SEPTIN9: variants seen among roughly 807,000 people sequenced by gnomAD.
SEPTIN9 encodes the protein septin 9, also known as septin-9.
In SEPTIN9, 13 loss-of-function variants were observed where a neutral mutation model predicts 56.6. The ratio of observed to expected loss-of-function variants is 0.23; its 90% CI spans 0.15 to 0.37. The LOEUF (loss-of-function observed/expected upper bound fraction) is 0.37. Among genes scored for constraint, SEPTIN9 ranks in the 10% least tolerant of loss-of-function variants. The pLI, the probability that SEPTIN9 is intolerant of heterozygous loss-of-function variation, is 1.00. For synonymous variants in SEPTIN9, 332 were observed against 334.1 expected, an observed-to-expected ratio of 0.99 and a Z score of 0.07; for missense variants, 650 against 823.1, an observed-to-expected ratio of 0.79 and a Z score of 2.57.
chr17:77,496,735 C>T (rs2040278273), intron 10 of SEPTIN9, among the ~76,000 whole-genome samples: 1 of 152,214 alleles, frequency 6.6e-6, no homozygotes, highest in African/African-American at 2.4e-5. Context: ...ATTGCTGATT[C>T]TTGAGCTTGT....
chr17:77,306,275 G>C (rs1444603821), intron 1 of SEPTIN9, among the ~76,000 whole-genome samples: 1 of 152,178 alleles, frequency 6.6e-6, no homozygotes, highest in Non-Finnish European at 1.5e-5. Context: ...TGGTGGGACT[G>C]GGCTGGTTAT....
At chr17:77,482,123 C>T (rs1382958922) in intron 3 of SEPTIN9, 21 bp from the exon 4 acceptor site, 3 of 1,547,466 alleles carry the variant, frequency 1.9e-6, no homozygotes, top group South Asian at 1.2e-5. Flanking sequence ...CGCTCTAACT[C>T]CTCTGCTGTT....
intron 2 of SEPTIN9, among the ~76,000 whole-genome samples, chr17:77,366,867 G>C (rs1487365686): frequency 6.6e-6 from 1 of 152,232 alleles, no homozygotes; most frequent in African/African-American, 2.4e-5. Flanking sequence ...CTGTGCTGAA[G>C]GCCAGGAGCC....
intron 3 of SEPTIN9, among the ~76,000 whole-genome samples, chr17:77,473,368 AAGTT>A (rs2039080337): frequency 6.6e-6 from 1 of 151,964 alleles, no homozygotes. Flanking sequence ...TCATCACACC[AAGTT>A]TGTTTGTTTT....
chr17:77,301,095 A>G (rs2032033078), intron 1 of SEPTIN9, among the ~76,000 whole-genome samples: 1 of 149,536 alleles, frequency 6.7e-6, no homozygotes, highest in Non-Finnish European at 1.5e-5. Flanking sequence ...CTAGGCTCAA[A>G]CCGCCCCCAC....
rs1044078441 is a variant in SEPTIN9 at position 77,371,192 on chromosome 17, A to G, written c.77-30867A>G. Among the ~76,000 whole-genome samples, 1 of 152,132 alleles carries G rather than the reference A, an allele frequency of 6.6e-6. No individual in the cohort carries two copies. The highest frequency in any genetic ancestry group is 2.4e-5 in the African/African-American group (1 of 41,426). On this transcript the variant is annotated intron_variant, in intron 2 of 11. Coordinates refer to ENST00000427177, the MANE Select transcript of SEPTIN9 (RefSeq NM_001113491.2). This position sits in a 1 kb window ranked among gnomAD's most constrained non-coding sequence, Gnocchi z 4.1. ...TGGTCATGTGGCTCTGAGTGATTAC[A>G]TTGAAGGGGCAGTGGCTGGGGCTGG...
intron 1 of SEPTIN9, among the ~76,000 whole-genome samples, chr17:77,288,994 C>T (rs1031551282): frequency 9.2e-5 from 14 of 152,190 alleles, no homozygotes; most frequent in Middle Eastern, 3.2e-3. Flanking sequence ...TTGGCTGGGG[C>T]GATGAGTCAT....
At chr17:77,324,530 C>T (rs1316483880) in intron 2 of SEPTIN9, among the ~76,000 whole-genome samples, 7 of 152,220 alleles carry the variant, frequency 4.6e-5, no homozygotes. Flanking sequence ...GTCTTCCTAC[C>T]TGCCCAGAGC....
At chr17:77,401,970 C>T in intron 2 of SEPTIN9, 89 bp from the exon 3 acceptor site, 3 of 1,407,138 alleles carry the variant, frequency 2.1e-6, no homozygotes, top group African/African-American at 1.4e-5. Context: ...GCATCGCCTG[C>T]CTTCCTCTGC....
At chr17:77,459,492 T>C (rs1281406233) in intron 3 of SEPTIN9, among the ~76,000 whole-genome samples, 1 of 152,182 alleles carries the variant, frequency 6.6e-6, no homozygotes, top group Non-Finnish European at 1.5e-5. Context: ...AGGCACACTG[T>C]GGGGTCCAGA....
chr17:77,336,374 G>A (rs2411109), intron 2 of SEPTIN9, among the ~76,000 whole-genome samples: 57,598 of 151,834 alleles, frequency 0.38, 12,204 homozygotes, highest in East Asian at 0.49. Flanking sequence ...GTATATCTCC[G>A]TTTTAAAGGT....
At chr17:77,339,845 A>G (rs562250531) in intron 2 of SEPTIN9, among the ~76,000 whole-genome samples, 1 of 149,580 alleles carries the variant, frequency 6.7e-6, no homozygotes, top group African/African-American at 2.5e-5. Context: ...TTTTTAATTG[A>G]GACAGAGTCT....
chr17:77,330,452 A>G lies in SEPTIN9; in HGVS notation c.76+23255A>G, dbSNP rs1396614691. Among the ~76,000 whole-genome samples the G allele has an allele frequency of 6.6e-6, 1 of 152,000 alleles. No homozygotes were observed. Among genetic ancestry groups the G allele is most frequent in the Non-Finnish European group, 1.5e-5 (1 of 67,992 alleles). On this transcript the variant is annotated intron_variant, in intron 2 of 11. Transcript: ENST00000427177. This position sits in a 1 kb window ranked among gnomAD's most constrained non-coding sequence, Gnocchi z 4.4. ...TGAGCCATAATCTCACCAGCTCCTG[A>G]GTTTTGGCGCTGCTCTTGGCGATGG...
intron 3 of SEPTIN9, among the ~76,000 whole-genome samples, chr17:77,474,487 G>A (rs758930661): frequency 6.6e-6 from 1 of 152,206 alleles, no homozygotes; most frequent in African/African-American, 2.4e-5. Context: ...CTGGCTGGCG[G>A]GTAGAATCTT....
chr17:77,306,671 G>A (rs1476959398), intron 1 of SEPTIN9, among the ~76,000 whole-genome samples: 2 of 152,256 alleles, frequency 1.3e-5, no homozygotes, highest in African/African-American at 2.4e-5. Flanking sequence ...AGGACTGCCC[G>A]TGAGTTGTAG....
Position 77,499,500 on chromosome 17 carries a change from A to C in SEPTIN9, c.*842A>C, listed in dbSNP as rs1293302194. ...CCCCCAGTTTTGAAAAGGTCTAAGC[A>C]AGTGAGTCTGGTGGAGGAGCTGAGG... is the stretch of plus-strand genomic sequence containing the variant. On this transcript the variant is annotated 3_prime_UTR_variant, in exon 12 of 12. Coordinates refer to ENST00000427177, the MANE Select transcript of SEPTIN9 (RefSeq NM_001113491.2). 2.1e-6 allele frequency: 1 copy of C among 483,764 alleles called. No homozygotes were observed. Among genetic ancestry groups the C allele is most frequent in the Admixed American group, 2.6e-5 (1 of 38,616 alleles). 30.0% of individuals were successfully genotyped at this position (483,764 alleles called of 1,614,324 possible).
chr17:77,405,204 C>G lies in SEPTIN9; in HGVS notation c.721+2501C>G. 1.4e-6 allele frequency: 2 copies of G among 1,404,878 alleles called. No individual in the cohort carries two copies. The highest frequency in any genetic ancestry group is 1.9e-6 in the Non-Finnish European group (2 of 1,032,964). The allele number at this position is 1,404,878 out of a possible 1,614,324, so 87.0% of individuals were successfully genotyped here. ...CTCCAGGGGCAGACACAGTTTAGCC[C>G]CTAAATTGTGCCAGAGACTGTGCCG... On this transcript the variant is annotated intron_variant, in intron 3 of 11. Coordinates refer to ENST00000427177, the MANE Select transcript of SEPTIN9 (RefSeq NM_001113491.2). This position sits in a 1 kb window ranked among gnomAD's most constrained non-coding sequence, Gnocchi z 5.8.
Position 77,399,927 on chromosome 17 carries a change from C to T in SEPTIN9, c.77-2132C>T, listed in dbSNP as rs143956293. Among the ~76,000 whole-genome samples, 342 of 152,222 alleles carry T rather than the reference C, an allele frequency of 2.2e-3. 5 individuals are homozygous for T. Among genetic ancestry groups the T allele is most frequent in the Admixed American group, 0.019 (288 of 15,280 alleles). ...TAGAGGTCATGGCTGGACCCATAGG[C>T]GAATACAGCCTGTGGATTTGATTTT... is the stretch of plus-strand genomic sequence containing the variant. On this transcript the variant is annotated intron_variant, in intron 2 of 11. Coordinates refer to ENST00000427177, the MANE Select transcript of SEPTIN9 (RefSeq NM_001113491.2).
intron 1 of SEPTIN9, among the ~76,000 whole-genome samples, chr17:77,299,885 C>T (rs1010713259): frequency 4.0e-5 from 6 of 151,490 alleles, no homozygotes; most frequent in African/African-American, 7.3e-5. Context: ...AAGAGAGGGG[C>T]GGCCTCCATG....
Sources: gnomAD v4.1 joint callset for allele counts (sites outside exome capture counted in the v4.1 genomes callset) on GRCh38, gnomAD v4.1.1 for gene constraint, Gnocchi (gnomAD v3.1) non-coding constraint, MANE v1.5 for transcripts, NCBI Gene and HGNC (gene_info 2026-07-23, HGNC 2026-07-21) for gene names.